The following RNF6 variants were observed in gnomAD, a reference collection of about 807,000 sequenced individuals.
RNF6 encodes ring finger protein 6, also known as E3 ubiquitin-protein ligase RNF6.
Under a neutral mutation model 50.1 loss-of-function variants are expected in RNF6, and 21 were observed. The observed-to-expected ratio is 0.42, with a 90% CI of 0.30 to 0.60. The LOEUF (loss-of-function observed/expected upper bound fraction) is 0.60, where lower values mean the gene tolerates loss of function less well. Among genes scored for constraint, RNF6 ranks in the 20% least tolerant of loss-of-function variants. RNF6 has a pLI of 0.20. For missense variants in RNF6, 698 were observed against 838.2 expected (o/e 0.83, Z 2.07); for synonymous variants, 255 against 291.8 (o/e 0.87, Z 1.29).
At chr13:26,140,565 A>G (rs1870883807) in intron 5 of RNF6, among the ~76,000 whole-genome samples, 1 of 152,196 alleles carries the variant, frequency 6.6e-6, no homozygotes, top group African/African-American at 2.4e-5. Context: ...TCCCTTTAGG[A>G]ACTGGAACAG....
chr13:26,208,585 T>G (rs188456859), downstream of RNF6, among the ~76,000 whole-genome samples: 475 of 152,348 alleles, frequency 3.1e-3, no homozygotes, highest in Non-Finnish European at 5.5e-3. Context: ...TGCAGATTCC[T>G]ATGAGATCTT....
In RNF6 at chr13:26,215,134, C is replaced by A; in HGVS notation, c.748G>T (p.Ala250Ser). 6.2e-7 allele frequency: 1 copy of A among 1,614,182 alleles called. No individual in the cohort carries two copies. Among genetic ancestry groups the A allele is most frequent in the South Asian group, 1.1e-5 (1 of 91,080 alleles). The change falls in exon 5 of 5, where the codon GCT (alanine) becomes TCT (serine). Residue 250 changes from alanine (A) to serine (S), a missense_variant. By Grantham distance (99) the Ala-to-Ser change is moderately conservative. Transcript: ENST00000381588. ...TGACTACTGAAATTAGTGCGTGAAGCGTTAGCTCGAGGAATGCCAGCTGCT... is the reference window on the plus strand; with the variant it reads ...TGACTACTGAAATTAGTGCGTGAAGAGTTAGCTCGAGGAATGCCAGCTGCT... ...GGAAGIPRAN[A>S]SRTNFSSHTN...
intron 5 of RNF6, among the ~76,000 whole-genome samples, chr13:26,138,849 T>G (rs1487289352): frequency 6.6e-6 from 1 of 152,218 alleles, no homozygotes; most frequent in African/African-American, 2.4e-5. Flanking sequence ...TGTCTTCCAT[T>G]GGCCTCATTT....
chr13:26,187,141 C>T (rs1292033214), intron 5 of RNF6, among the ~76,000 whole-genome samples: 1 of 37,596 alleles, frequency 2.7e-5, no homozygotes, highest in Non-Finnish European at 9.8e-5. Context: ...GTCCCCGCTT[C>T]CTGTTTCTGC....
chr13:26,209,926 T>C (rs147433016), downstream of RNF6, among the ~76,000 whole-genome samples: 631 of 152,288 alleles, frequency 4.1e-3, 4 homozygotes, highest in African/African-American at 0.014. Context: ...ATAAAAAATA[T>C]ATAGGGGCCA....
At chr13:26,169,090 C>T (rs1322765312) in intron 5 of RNF6, among the ~76,000 whole-genome samples, 1 of 152,144 alleles carries the variant, frequency 6.6e-6, no homozygotes, top group Non-Finnish European at 1.5e-5. Context: ...AGGCTGCACT[C>T]CCAGCCACAA....
rs757645036 is a variant in RNF6 at position 26,212,819 on chromosome 13, T to G, written c.*1005A>C. On this transcript the variant is annotated 3_prime_UTR_variant, in exon 5 of 5. Transcript: ENST00000381588. ...GTAGAAACAGATCTTCAATGCATAC[T>G]TTGTGTTTATATAAACTCTACATTC... 2 of 152,326 alleles carry G rather than the reference T, an allele frequency of 1.3e-5. No homozygotes were observed. The highest frequency in any genetic ancestry group is 2.4e-5 in the African/African-American group (1 of 41,338). The allele number at this position is 152,326 out of a possible 1,614,324, so 9.4% of individuals were successfully genotyped here.
At chr13:26,209,620 T>A (rs192749), downstream of RNF6, among the ~76,000 whole-genome samples, 25,667 of 151,978 alleles carry the variant, frequency 0.17, 1,802 homozygotes, top group African/African-American at 0.19. Context: ...GGGGCTAAAT[T>A]GTGTCACTTC....
chr13:26,216,888 G>C (rs1869936593), intron 4 of RNF6, among the ~76,000 whole-genome samples: 1 of 152,218 alleles, frequency 6.6e-6, no homozygotes. Flanking sequence ...CCGGGAGGCA[G>C]AGGTTGCAGT....
At chr13:26,208,606 A>G (rs192543514), downstream of RNF6, among the ~76,000 whole-genome samples, 3 of 152,330 alleles carry the variant, frequency 2.0e-5, no homozygotes, top group Admixed American at 2.0e-4. Context: ...TTAGTGAATC[A>G]CTAAATTTGG....
chr13:26,193,123 C>T (rs1326466608), intron 5 of RNF6, among the ~76,000 whole-genome samples: 2 of 151,708 alleles, frequency 1.3e-5, no homozygotes, highest in African/African-American at 4.9e-5. Context: ...CTATTATACA[C>T]CCAAGATAAG....
intron 5 of RNF6, among the ~76,000 whole-genome samples, chr13:26,149,727 A>C (rs535554525): frequency 2.0e-5 from 3 of 151,690 alleles, no homozygotes; most frequent in Non-Finnish European, 4.4e-5. Context: ...GAGTAGAGCA[A>C]AGTGGTGAAG....
intron 5 of RNF6, among the ~76,000 whole-genome samples, chr13:26,145,992 C>T (rs540949521): frequency 6.6e-6 from 1 of 152,150 alleles, no homozygotes; most frequent in Non-Finnish European, 1.5e-5. Context: ...GACAAAAACT[C>T]CATTGATCAC....
At chr13:26,173,513 A>G (rs1305132822) in intron 5 of RNF6, among the ~76,000 whole-genome samples, 1 of 152,140 alleles carries the variant, frequency 6.6e-6, no homozygotes, top group Non-Finnish European at 1.5e-5. Context: ...AAAGCCCTAC[A>G]ATTTCATATT....
chr13:26,205,444 T>C (rs959619119), intron 5 of RNF6, among the ~76,000 whole-genome samples: 32 of 152,206 alleles, frequency 2.1e-4, no homozygotes, highest in Non-Finnish European at 1.0e-4. Context: ...TGTTTCTCAA[T>C]AGGACTGGAC....
chr13:26,154,038 TA>T (rs1223604602), intron 5 of RNF6: 1 of 152,244 alleles, frequency 6.6e-6, no homozygotes, highest in Non-Finnish European at 1.5e-5. Context: ...TTAAACTCTT[TA>T]AGAATCCTAA....
chr13:26,205,474 C>T (rs1236568826), intron 5 of RNF6, among the ~76,000 whole-genome samples: 10 of 152,168 alleles, frequency 6.6e-5, no homozygotes, highest in Non-Finnish European at 1.5e-5. Flanking sequence ...AAATGCCTTT[C>T]CATGGGATAT....
intron 5 of RNF6, among the ~76,000 whole-genome samples, chr13:26,192,006 G>GT (rs1019557398): frequency 2.0e-5 from 3 of 152,198 alleles, no homozygotes; most frequent in African/African-American, 7.2e-5. Context: ...ATGGGAGCAT[G>GT]TTTTTTGAGA....
chr13:26,220,744 A>G (rs1458962001), intron 2 of RNF6, among the ~76,000 whole-genome samples: 1 of 152,236 alleles, frequency 6.6e-6, no homozygotes. Flanking sequence ...GGTATGAGTA[A>G]TACAGCACCT....
Sources: allele counts gnomAD v4.1 joint callset (sites outside exome capture counted in the v4.1 genomes callset), GRCh38; gene constraint gnomAD v4.1.1; transcripts MANE v1.5; gene names NCBI Gene and HGNC (gene_info 2026-07-23, HGNC 2026-07-21).